The following DEPTOR variants were observed in gnomAD, a reference collection of about 807,000 sequenced individuals.
DEPTOR encodes DEP domain-containing mTOR-interacting protein.
In DEPTOR, 41 loss-of-function variants were observed where a neutral mutation model predicts 41.6. The ratio of observed to expected loss-of-function variants is 0.98; its 90% CI spans 0.77 to 1.28. The LOEUF is 1.28. Among genes scored for constraint, DEPTOR ranks in the 50% most tolerant of loss-of-function variants. The pLI, the probability that DEPTOR is intolerant of heterozygous loss-of-function variation, is 0.00. For missense variants in DEPTOR, 514 were observed against 527.9 expected, an observed-to-expected ratio of 0.97 and a Z score of 0.26; for synonymous variants, 195 against 192.3, an observed-to-expected ratio of 1.01 and a Z score of -0.12.
intron 8 of DEPTOR, among the ~76,000 whole-genome samples, chr8:120,027,018 A>G (rs1257717631): frequency 6.6e-6 from 1 of 152,004 alleles, no homozygotes; most frequent in Non-Finnish European, 1.5e-5. Flanking sequence ...CGGGAGTTCA[A>G]CACCAGCCTG....
chr8:119,978,326 G>T (rs1004177083), intron 4 of DEPTOR, among the ~76,000 whole-genome samples: 5 of 152,132 alleles, frequency 3.3e-5, no homozygotes, highest in Admixed American at 2.0e-4. Flanking sequence ...TTTCAGTGGG[G>T]CCTGTAGAAT....
At chr8:119,961,330 C>T (rs780914897) in intron 3 of DEPTOR, among the ~76,000 whole-genome samples, 4 of 150,332 alleles carry the variant, frequency 2.7e-5, no homozygotes, top group African/African-American at 4.9e-5. Flanking sequence ...GCAGGAGAAT[C>T]GCTTGAACCT....
rs1026835119 is a variant in DEPTOR, at chr8:120,003,050, C to A, written c.864C>A (p.Gly288=). The A allele has an allele frequency of 4.3e-6, 7 of 1,611,446 alleles. No homozygotes were observed. The highest frequency in any genetic ancestry group is 1.6e-4 in the Middle Eastern group (1 of 6,068). The change falls in exon 6 of 9, where the codon GGC becomes GGA. Residue 288 remains glycine (G), a synonymous_variant. Coordinates refer to ENST00000286234, the MANE Select transcript of DEPTOR (RefSeq NM_022783.4). ...GCATGAGCAGCTGTGGCAGCAGCGG[C>A]TACTTCAGCAGCAGCCCCACCCTCA... ...RSSMSSCGSS[G]YFSSSPTLSS...
At chr8:120,003,157 G>C (rs2130086659) in intron 6 of DEPTOR, 46 bp downstream of exon 6, 2 of 1,592,952 alleles carry the variant, frequency 1.3e-6, no homozygotes, top group Non-Finnish European at 1.7e-6. Flanking sequence ...GTGGGGACTT[G>C]GGCAGGTCCC....
intron 7 of DEPTOR, 67 bp downstream of exon 7, chr8:120,006,942 T>TG: frequency 6.9e-7 from 1 of 1,454,242 alleles, no homozygotes; most frequent in Non-Finnish European, 9.7e-7. Flanking sequence ...CATGTGTCAA[T>TG]GGGTAGCTTA....
chr8:119,951,056 A>AATAT lies in DEPTOR; in HGVS notation c.426-14174_426-14171dup, dbSNP rs763287470. ...CCACTGACGGGGTTAGACACTATCT[A>AATAT]ATATACACACACACAAACACACACA... On this transcript the variant is annotated intron_variant, in intron 3 of 8. Transcript: ENST00000286234. Among the ~76,000 whole-genome samples the AATAT allele has an allele frequency of 9.4e-3, 1,341 of 142,086 alleles. 16 individuals are homozygous for AATAT. The highest frequency in any genetic ancestry group is 0.032 in the African/African-American group (1,263 of 39,456). 93.2% of individuals were successfully genotyped at this position (142,086 alleles called of 152,430 possible). A position where few individuals can be genotyped will look rare whatever the true frequency, so the allele number is the denominator to read the frequency against.
At chr8:119,899,058 C>T (rs923761250) in intron 1 of DEPTOR, among the ~76,000 whole-genome samples, 12 of 152,166 alleles carry the variant, frequency 7.9e-5, no homozygotes, top group Non-Finnish European at 1.3e-4. Context: ...TCTCCCATCG[C>T]TTTTGGTGAA....
intron 3 of DEPTOR, among the ~76,000 whole-genome samples, chr8:119,932,421 A>G (rs1347642426): frequency 6.6e-6 from 1 of 151,958 alleles, no homozygotes; most frequent in African/African-American, 2.4e-5. Context: ...GACAGTAAGA[A>G]GAGTTAAAGT....
chr8:119,895,901 T>G (rs569024738), intron 1 of DEPTOR, among the ~76,000 whole-genome samples: 4 of 152,314 alleles, frequency 2.6e-5, no homozygotes, highest in Admixed American at 2.0e-4. Flanking sequence ...AAACTTTACC[T>G]TATCTTATTA....
At chr8:119,997,055 T>A (rs1003767422) in intron 4 of DEPTOR, among the ~76,000 whole-genome samples, 2 of 152,208 alleles carry the variant, frequency 1.3e-5, no homozygotes, top group Admixed American at 1.3e-4. Flanking sequence ...CCAGGTTGCA[T>A]TAGGTGAGCC....
At chr8:119,879,751 C>A (rs1827275137) in intron 1 of DEPTOR, among the ~76,000 whole-genome samples, 1 of 141,194 alleles carries the variant, frequency 7.1e-6, no homozygotes, top group Non-Finnish European at 1.5e-5. Flanking sequence ...GGGACTCATG[C>A]CTGTAACCAG....
Sources: gnomAD v4.1 joint callset for allele counts (sites outside exome capture counted in the v4.1 genomes callset) on GRCh38, gnomAD v4.1.1 for gene constraint, MANE v1.5 for transcripts, NCBI Gene and HGNC (gene_info 2026-07-23, HGNC 2026-07-21) for gene names.